Variants in NCOA1 observed in about 807,000 individuals in gnomAD.
The protein encoded by NCOA1 is nuclear receptor coactivator 1.
NCOA1 carries 35 observed loss-of-function variants against 150.9 expected under a neutral mutation model. That is an observed-to-expected ratio of 0.23 (90% CI 0.18 to 0.31). The LOEUF is 0.31. Among genes scored for constraint, NCOA1 ranks in the 10% least tolerant of loss-of-function variants. The probability of loss-of-function intolerance (pLI) is 1.00; values close to 1 mark genes in which losing one functional copy is unlikely to be tolerated. For missense variants in NCOA1, 1,491 were observed against 1,749.3 expected, an observed-to-expected ratio of 0.85 and a Z score of 2.63; for synonymous variants, 590 against 630.0, an observed-to-expected ratio of 0.94 and a Z score of 0.95.
chr2:24,507,750 C>T (rs142988626), intron 1 of NCOA1, among the ~76,000 whole-genome samples: 1 of 152,106 alleles, frequency 6.6e-6, no homozygotes, highest in East Asian at 1.9e-4. Context: ...ATTGTTATTT[C>T]TCTCTTAGGA....
intron 2 of NCOA1, among the ~76,000 whole-genome samples, chr2:24,579,518 G>A (rs1667116407): frequency 6.6e-6 from 1 of 152,296 alleles, no homozygotes; most frequent in African/African-American, 2.4e-5. Context: ...CCCAAACCCT[G>A]ATGAGAGACT....
intron 4 of NCOA1, among the ~76,000 whole-genome samples, chr2:24,655,229 G>T (rs566120784): frequency 6.6e-6 from 1 of 151,986 alleles, no homozygotes; most frequent in African/African-American, 2.4e-5. Context: ...AAGTTTTTTG[G>T]CTAGTATTTA....
Position 24,728,486 on chromosome 2 carries a change from A to G in NCOA1, c.2886+10A>G, listed in dbSNP as rs781149717. ...TGACAAACTTGTTCAGGTATTTATT[A>G]AAGTCAACATTATTTAACTGATGGA... On this transcript the variant is annotated intron_variant, in intron 16 of 22. Coordinates refer to ENST00000348332, the MANE Select transcript of NCOA1 (RefSeq NM_003743.5). 1 of 1,607,654 alleles carries G rather than the reference A, an allele frequency of 6.2e-7. No homozygotes were observed. The highest frequency in any genetic ancestry group is 1.1e-5 in the South Asian group (1 of 89,846).
intron 3 of NCOA1, among the ~76,000 whole-genome samples, chr2:24,641,883 CAG>C (rs1670232384): frequency 6.6e-6 from 1 of 151,908 alleles, no homozygotes; most frequent in African/African-American, 2.4e-5. Flanking sequence ...CTGGATCTGA[CAG>C]TTTATTTTTC....
At chr2:24,609,045 T>C (rs192471648) in intron 3 of NCOA1, among the ~76,000 whole-genome samples, 55 of 152,336 alleles carry the variant, frequency 3.6e-4, no homozygotes, top group Non-Finnish European at 5.1e-4. Context: ...GATTGCCATG[T>C]TACTCACTGT....
intron 17 of NCOA1, among the ~76,000 whole-genome samples, chr2:24,731,112 T>C (rs17046497): frequency 0.032 from 4,796 of 151,910 alleles, 108 homozygotes; most frequent in East Asian, 0.1. Context: ...TTATGAATCT[T>C]GTAGTTTCTA....
intron 5 of NCOA1, among the ~76,000 whole-genome samples, chr2:24,661,358 G>A (rs917115659): frequency 1.3e-5 from 2 of 151,984 alleles, no homozygotes; most frequent in Non-Finnish European, 2.9e-5. Flanking sequence ...CTGCTGGGTT[G>A]TTTGTTCTTT....
rs1025098987 is a variant in NCOA1 at position 24,536,489 on chromosome 2, C to G, written c.-395-27806C>G. On this transcript the variant is annotated intron_variant, in intron 1 of 22. Coordinates refer to ENST00000348332, the MANE Select transcript of NCOA1 (RefSeq NM_003743.5). ...AAGTCATTCTCCATCCAGCTCTGTTCCGTTCCTGGCAAGAAGCTGCAATTC... is the reference window on the plus strand; with the variant it reads ...AAGTCATTCTCCATCCAGCTCTGTTGCGTTCCTGGCAAGAAGCTGCAATTC... Among the ~76,000 whole-genome samples the G allele has an allele frequency of 2.0e-5, 3 of 152,180 alleles. No individual in the cohort carries two copies. In the East Asian group the frequency reaches 5.8e-4, roughly 29 times the overall value.
At chr2:24,582,995 A>G (rs959907135) in intron 2 of NCOA1, among the ~76,000 whole-genome samples, 2 of 152,172 alleles carry the variant, frequency 1.3e-5, no homozygotes, top group African/African-American at 4.8e-5. Flanking sequence ...GCTTCAGGAT[A>G]TTTATCTGGG....
At position 24,508,149 on chromosome 2, in the gene NCOA1, A is replaced by G. The variant is rs1663783650; in HGVS notation, c.-396+16547A>G. ...GACAGCTAATCCTATTGATGGTGTTAGCTTTCTTTTAAGCTTTAATTAAAA... is the reference window on the plus strand; with the variant it reads ...GACAGCTAATCCTATTGATGGTGTTGGCTTTCTTTTAAGCTTTAATTAAAA... On this transcript the variant is annotated intron_variant, in intron 1 of 22. Transcript: ENST00000348332. Among the ~76,000 whole-genome samples the G allele has an allele frequency of 2.6e-5, 4 of 152,180 alleles. No individual in the cohort carries two copies. In the South Asian group the frequency reaches 8.3e-4, roughly 31 times the overall value.
intron 1 of NCOA1, among the ~76,000 whole-genome samples, chr2:24,503,770 C>T (rs1423794098): frequency 2.9e-5 from 4 of 137,878 alleles, no homozygotes; most frequent in African/African-American, 1.1e-4. Context: ...GAGTCTTGCT[C>T]TGTCGTCCAG....
At chr2:24,665,020 T>C (rs1303763093) in intron 5 of NCOA1, among the ~76,000 whole-genome samples, 3 of 152,214 alleles carry the variant, frequency 2.0e-5, no homozygotes, top group Non-Finnish European at 2.9e-5. Flanking sequence ...ATCATAGTCA[T>C]TCAGTACATT....
chr2:24,630,664 T>C (rs1669666921), intron 3 of NCOA1, among the ~76,000 whole-genome samples: 1 of 152,190 alleles, frequency 6.6e-6, no homozygotes, highest in African/African-American at 2.4e-5. Context: ...TTATGTCTTC[T>C]AACAGCACTC....
At chr2:24,600,617 A>T (rs956837374) in intron 3 of NCOA1, among the ~76,000 whole-genome samples, 4 of 152,194 alleles carry the variant, frequency 2.6e-5, no homozygotes, top group African/African-American at 7.2e-5. Context: ...AATGGCATTA[A>T]TTGGGATATT....
chr2:24,558,210 C>G (rs1666157483), intron 1 of NCOA1, among the ~76,000 whole-genome samples: 1 of 152,034 alleles, frequency 6.6e-6, no homozygotes, highest in African/African-American at 2.4e-5. Flanking sequence ...TGCAAGTTCA[C>G]TTGTTCTTTC....
intron 3 of NCOA1, among the ~76,000 whole-genome samples, chr2:24,611,700 AT>A (rs1440785706): frequency 6.6e-6 from 1 of 151,838 alleles, no homozygotes; most frequent in Admixed American, 6.5e-5. Context: ...TTTTACTGTT[AT>A]TTTAAAGTCT....
chr2:24,513,648 G>A (rs997013201), intron 1 of NCOA1, among the ~76,000 whole-genome samples: 7 of 152,106 alleles, frequency 4.6e-5, no homozygotes, highest in Middle Eastern at 3.2e-3. Context: ...TTGGAATCTG[G>A]TTGAAAAGTA....
chr2:24,589,363 G>T (rs1022242664), intron 3 of NCOA1, among the ~76,000 whole-genome samples: 1 of 152,112 alleles, frequency 6.6e-6, no homozygotes, highest in Non-Finnish European at 1.5e-5. Context: ...TCTCTTCCAG[G>T]CCTCTTGCTA....
chr2:24,502,804 A>T (rs1009454875), intron 1 of NCOA1, among the ~76,000 whole-genome samples: 5 of 152,206 alleles, frequency 3.3e-5, no homozygotes, highest in Admixed American at 2.0e-4. Flanking sequence ...TATCCTTTAC[A>T]GCTCAACTCA....
Sources: gnomAD v4.1 joint callset for allele counts (sites outside exome capture counted in the v4.1 genomes callset) on GRCh38, gnomAD v4.1.1 for gene constraint, MANE v1.5 for transcripts, NCBI Gene and HGNC (gene_info 2026-07-23, HGNC 2026-07-21) for gene names.